The following MEGF6 variants were observed in gnomAD, a reference collection of about 807,000 sequenced individuals.
MEGF6 encodes the protein multiple epidermal growth factor-like domains protein 6.
In MEGF6, 184 loss-of-function variants were observed where a neutral mutation model predicts 207.1. The ratio of observed to expected loss-of-function variants is 0.89; its 90% CI spans 0.79 to 1.00. The LOEUF is 1.00. Among genes scored for constraint, MEGF6 ranks in the 50% least tolerant of loss-of-function variants. MEGF6 has a pLI of 0.00. For synonymous variants in MEGF6, 1,038 were observed against 910.0 expected (o/e 1.14, Z -2.53); for missense variants, 2,282 against 2,202.9 (o/e 1.04, Z -0.72).
rs1640226888 is a variant in MEGF6, at chr1:3,488,442, T to C, written c.*2086A>G. ...GGGAGTAATGGTGATATTCTGACTC[T>C]CTGAATTCCTAGGCCATTTGGGAAC... On this transcript the variant is annotated 3_prime_UTR_variant, in exon 37 of 37. Transcript: ENST00000356575. 6.6e-6 allele frequency among the ~76,000 whole-genome samples: 1 copy of C among 152,234 alleles called. No individual in the cohort carries two copies. The highest frequency in any genetic ancestry group is 6.5e-5 in the Admixed American group (1 of 15,286).
chr1:3,531,067 G>T, intron 4 of MEGF6: 1 of 1,513,206 alleles, frequency 6.6e-7, no homozygotes, highest in Non-Finnish European at 8.8e-7. Flanking sequence ...GCCCAGGCTC[G>T]CCCGGCGCCC....
At chr1:3,493,657 C>A in intron 34 of MEGF6, 114 bp downstream of exon 34, 6 of 1,416,302 alleles carry the variant, frequency 4.2e-6, no homozygotes, top group African/African-American at 1.4e-5. Flanking sequence ...GCAGAGGCAA[C>A]AAGAGGGGTT....
chr1:3,519,454 G>A (rs557289121), intron 5 of MEGF6, among the ~76,000 whole-genome samples: 1 of 152,380 alleles, frequency 6.6e-6, no homozygotes, highest in Admixed American at 6.5e-5. Context: ...AATGCCCGCA[G>A]TGCTTGCACC....
rs367610094 is a variant in MEGF6 at position 3,524,220 on chromosome 1, C to T, written c.508G>A (p.Gly170Ser). The T allele has an allele frequency of 5.9e-5, 95 of 1,612,628 alleles. No individual in the cohort carries two copies. The highest frequency in any genetic ancestry group is 4.7e-4 in the African/African-American group (35 of 75,056). The change falls in exon 5 of 37, where the codon GGT becomes AGT. Residue 170 changes from glycine (G) to serine (S), a missense_variant. Transcript: ENST00000356575. ...TTCACGCACCGGTGCTGGCAGCCAC[C>T]GTTGTGGGTTCGGCATTCGTCCACA... ...YDVDECRTHN[G>S]GCQHRCVNTP...
intron 5 of MEGF6, among the ~76,000 whole-genome samples, chr1:3,523,790 GA>G (rs1246810170): frequency 2.6e-5 from 4 of 152,226 alleles, no homozygotes; most frequent in African/African-American, 4.8e-5. Flanking sequence ...CTGTTGTAGA[GA>G]ATCTTTAATA....
In MEGF6 at chr1:3,498,493, AG is replaced by A; in HGVS notation, c.3229del (p.Leu1077SerfsTer197). The A allele has an allele frequency of 6.3e-7, 1 of 1,575,706 alleles. No individual in the cohort carries two copies. ...GCAGCCAGCTCTGACGTCCCGGGGG[AG>A]GCACTCTACAGGAGCAGAGGCAGGC... Reference protein sequence around the residue: ...WAGLACEKECLPRDVRAGCRH... With the variant: ...WAGLACEKECXPRDVRAGCRH... On this transcript the variant is annotated frameshift_variant, in exon 26 of 37. Transcript: ENST00000356575. LOFTEE classifies it high-confidence loss of function.
chr1:3,575,733 C>A (rs1371054902), intron 4 of MEGF6, among the ~76,000 whole-genome samples: 1 of 152,202 alleles, frequency 6.6e-6, no homozygotes, highest in East Asian at 1.9e-4. Flanking sequence ...ATCACGAGAA[C>A]AGCACGGGAA....
chr1:3,582,283 T>A (rs1643817034), intron 3 of MEGF6, among the ~76,000 whole-genome samples: 1 of 152,150 alleles, frequency 6.6e-6, no homozygotes, highest in South Asian at 2.1e-4. Context: ...CCTGGGGCAG[T>A]CACTGGGATG....
At chr1:3,561,284 C>T (rs1204369638) in intron 4 of MEGF6, among the ~76,000 whole-genome samples, 1 of 152,182 alleles carries the variant, frequency 6.6e-6, no homozygotes, top group African/African-American at 2.4e-5. Flanking sequence ...TCCTGTCCAG[C>T]CAGGAGCCCC....
At chr1:3,590,023 G>A (rs934837856) in intron 3 of MEGF6, among the ~76,000 whole-genome samples, 2 of 152,226 alleles carry the variant, frequency 1.3e-5, no homozygotes, top group Non-Finnish European at 2.9e-5. Context: ...TGGAGCTGGT[G>A]CAGCTCCTAA....
Position 3,531,275 on chromosome 1 carries a change from C to A in MEGF6, c.482-7029G>T. ...TGGTAGGCCGGCGGGCGGGAGGGGG[C>A]GAGGACCAACCGCGCTGCGCCCTAA... On this transcript the variant is annotated intron_variant, in intron 4 of 36. Coordinates refer to ENST00000356575, the MANE Select transcript of MEGF6 (RefSeq NM_001409.4). 2.3e-6 allele frequency: 3 copies of A among 1,328,070 alleles called. No homozygotes were observed. The South Asian group carries it at 6.1e-5, about 27-fold the overall frequency. The allele number at this position is 1,328,070 out of a possible 1,614,324, so 82.3% of individuals were successfully genotyped here. A position where few individuals can be genotyped will look rare whatever the true frequency, so the allele number is the denominator to read the frequency against.
rs1643271060 is a variant in MEGF6, at chr1:3,563,799, C to T, written c.481+16026G>A. Reference sequence around the variant, plus strand: ...AGATGTGAACACTGAGACGGAGAGGCTGGCACAGACACCTGAGTGTGGGAG... The same window carrying T: ...AGATGTGAACACTGAGACGGAGAGGTTGGCACAGACACCTGAGTGTGGGAG... On this transcript the variant is annotated intron_variant, in intron 4 of 36. Coordinates refer to ENST00000356575, the MANE Select transcript of MEGF6 (RefSeq NM_001409.4). Among the ~76,000 whole-genome samples, 4 of 152,198 alleles carry T rather than the reference C, an allele frequency of 2.6e-5. No homozygotes were observed. In the South Asian group the frequency reaches 8.3e-4, roughly 31 times the overall value.
chr1:3,564,276 T>C (rs1393742220), intron 4 of MEGF6, among the ~76,000 whole-genome samples: 2 of 151,810 alleles, frequency 1.3e-5, no homozygotes, highest in Non-Finnish European at 2.9e-5. Context: ...ATCCTAGAGA[T>C]GTTTTTTGCC....
chr1:3,574,684 CTA>C (rs1221869050), intron 4 of MEGF6, among the ~76,000 whole-genome samples: 3 of 152,198 alleles, frequency 2.0e-5, no homozygotes, highest in Admixed American at 2.0e-4. Flanking sequence ...GCTCTGTCAG[CTA>C]GGCTGGAGTC....
intron 14 of MEGF6, among the ~76,000 whole-genome samples, chr1:3,506,732 G>A (rs1219788047): frequency 2.6e-5 from 4 of 152,304 alleles, no homozygotes; most frequent in Admixed American, 6.5e-5. Context: ...TACTGAAGGC[G>A]GTAGTCAGCT....
intron 7 of MEGF6, among the ~76,000 whole-genome samples, chr1:3,514,182 A>C (rs1390455312): frequency 3.3e-5 from 5 of 151,520 alleles, no homozygotes; most frequent in Admixed American, 2.6e-4. Flanking sequence ...TGGGAGGCGG[A>C]GCTTGCAGTG....
At chr1:3,555,286 C>A (rs555200966) in intron 4 of MEGF6, among the ~76,000 whole-genome samples, 32 of 152,136 alleles carry the variant, frequency 2.1e-4, no homozygotes, top group Admixed American at 5.9e-4. Flanking sequence ...CCTCTCCCTG[C>A]GCCTCCACCC....
intron 3 of MEGF6, among the ~76,000 whole-genome samples, chr1:3,588,776 C>T (rs910749846): frequency 1.3e-5 from 2 of 152,040 alleles, no homozygotes; most frequent in South Asian, 2.1e-4. Flanking sequence ...TCCAGAATCC[C>T]ACCCCTTCTC....
At chr1:3,564,880 G>T (rs907244313) in intron 4 of MEGF6, among the ~76,000 whole-genome samples, 1 of 152,032 alleles carries the variant, frequency 6.6e-6, no homozygotes, top group Non-Finnish European at 1.5e-5. Flanking sequence ...CCACTACCAC[G>T]GTCCCGCTCT....
Sources: allele counts gnomAD v4.1 joint callset (sites outside exome capture counted in the v4.1 genomes callset), GRCh38; gene constraint gnomAD v4.1.1; transcripts MANE v1.5; gene names NCBI Gene and HGNC (gene_info 2026-07-23, HGNC 2026-07-21).